SLC36A1: variants seen among roughly 807,000 people sequenced by gnomAD.
SLC36A1 encodes solute carrier family 36 member 1.
A neutral mutation model predicts 47.5 loss-of-function variants in SLC36A1; 30 were observed. That is an observed-to-expected ratio of 0.63 (90% CI 0.47 to 0.86). SLC36A1 has a LOEUF of 0.86. Among genes scored for constraint, SLC36A1 ranks in the 40% least tolerant of loss-of-function variants. SLC36A1 has a pLI of 0.00. For synonymous variants in SLC36A1, 255 were observed against 249.7 expected (o/e 1.02, Z -0.20); for missense variants, 517 against 606.0 (o/e 0.85, Z 1.54).
At chr5:151,485,557 C>A (rs2127544530) in intron 10 of SLC36A1, among the ~76,000 whole-genome samples, 1 of 152,340 alleles carries the variant, frequency 6.6e-6, no homozygotes, top group Middle Eastern at 3.4e-3. Flanking sequence ...TGTCTCCCCT[C>A]CCTCTGCATT....
chr5:151,555,097 G>A, the SLC36A1 span, among the ~76,000 whole-genome samples: 2 of 152,292 alleles, frequency 1.3e-5, no homozygotes, highest in South Asian at 2.1e-4. Flanking sequence ...TGTGCACGTG[G>A]CCTGATGCAT....
chr5:151,534,535 G>A, the SLC36A1 span: 2 of 1,614,144 alleles, frequency 1.2e-6, no homozygotes, highest in South Asian at 1.1e-5. Context: ...TCCACATGGA[G>A]GGTGATGTCT....
the SLC36A1 span, among the ~76,000 whole-genome samples, chr5:151,498,191 C>T: frequency 6.6e-6 from 1 of 152,110 alleles, no homozygotes; most frequent in Non-Finnish European, 1.5e-5. Context: ...GTGATCCACC[C>T]ACCTCGGCCT....
the SLC36A1 span, among the ~76,000 whole-genome samples, chr5:151,357,417 G>A: frequency 6.6e-6 from 1 of 152,218 alleles, no homozygotes; most frequent in Admixed American, 6.5e-5. Flanking sequence ...TGCTGTTTTT[G>A]GAGAGTAGGA....
the SLC36A1 span, among the ~76,000 whole-genome samples, chr5:151,526,186 T>C: frequency 6.6e-6 from 1 of 152,182 alleles, no homozygotes; most frequent in Non-Finnish European, 1.5e-5. Context: ...TGTTGGGTCT[T>C]AGAAACACAG....
chr5:151,354,972 TGAACA>T, the SLC36A1 span, among the ~76,000 whole-genome samples: 1 of 152,104 alleles, frequency 6.6e-6, no homozygotes, highest in Non-Finnish European at 1.5e-5. Context: ...AAATACAACT[TGAACA>T]TTAAGAGCTA....
At chr5:151,355,157 A>G in the SLC36A1 span, among the ~76,000 whole-genome samples, 16 of 152,296 alleles carry the variant, frequency 1.1e-4, no homozygotes, top group African/African-American at 3.6e-4. Context: ...CATGCAAGCA[A>G]GGGGCAGAGT....
intron 10 of SLC36A1, among the ~76,000 whole-genome samples, chr5:151,484,258 C>T (rs1759216908): frequency 1.3e-5 from 2 of 152,174 alleles, no homozygotes; most frequent in South Asian, 4.1e-4. Context: ...CTGCCAGGGA[C>T]TCATTTTCTC....
intron 1 of SLC36A1, chr5:151,451,159 C>A (rs1279335100): frequency 6.6e-6 from 1 of 152,112 alleles, no homozygotes; most frequent in East Asian, 1.9e-4. Flanking sequence ...CAAAATATTT[C>A]TCTTGGAAGC....
At chr5:151,366,548 A>G in the SLC36A1 span, 7 of 250,778 alleles carry the variant, frequency 2.8e-5, no homozygotes, top group Admixed American at 5.3e-5. Flanking sequence ...TCTGAGTAGT[A>G]GGTAGTCATC....
At chr5:151,353,172 G>A in the SLC36A1 span, among the ~76,000 whole-genome samples, 1 of 152,056 alleles carries the variant, frequency 6.6e-6, no homozygotes, top group Admixed American at 6.5e-5. Flanking sequence ...ATATATGTAT[G>A]TGTGTGTGCA....
chr5:151,536,207 T>A, the SLC36A1 span, among the ~76,000 whole-genome samples: 1 of 134,224 alleles, frequency 7.5e-6, no homozygotes, highest in Non-Finnish European at 1.6e-5. Flanking sequence ...GAACATGTAT[T>A]ATTTCCATAT....
the SLC36A1 span, chr5:151,550,638 T>G: frequency 6.2e-7 from 1 of 1,614,162 alleles, no homozygotes; most frequent in Admixed American, 1.7e-5. Context: ...GGTCCAATTT[T>G]CCCACCGTTA....
the SLC36A1 span, among the ~76,000 whole-genome samples, chr5:151,425,119 A>G: frequency 2.0e-5 from 3 of 152,220 alleles, no homozygotes; most frequent in Non-Finnish European, 4.4e-5. Flanking sequence ...AGCAGAGTCA[A>G]CCTGTTAATG....
intron 1 of SLC36A1, among the ~76,000 whole-genome samples, chr5:151,439,975 T>G (rs530180897): frequency 1.3e-5 from 2 of 152,346 alleles, no homozygotes; most frequent in East Asian, 3.9e-4. Context: ...CTTAATAAAT[T>G]CTTGAATTTT....
chr5:151,534,446 G>T, the SLC36A1 span: 15 of 1,613,202 alleles, frequency 9.3e-6, no homozygotes, highest in African/African-American at 2.7e-5. Flanking sequence ...CAGCCACAGG[G>T]GTCTTCACTG....
At chr5:151,536,027 A>C in the SLC36A1 span, among the ~76,000 whole-genome samples, 1 of 152,320 alleles carries the variant, frequency 6.6e-6, no homozygotes, top group East Asian at 1.9e-4. Context: ...AGCAAGTTAC[A>C]AATAGTATTC....
At chr5:151,429,492 TTCCAGTTTCATCCA>T in the SLC36A1 span, among the ~76,000 whole-genome samples, 1 of 151,882 alleles carries the variant, frequency 6.6e-6, no homozygotes, top group Admixed American at 6.6e-5. Context: ...GAATGATGGT[TTCCAGTTTCATCCA>T]TGTCCCTACA....
At chr5:151,477,966 G>A (rs1313300347) in intron 9 of SLC36A1, among the ~76,000 whole-genome samples, 1 of 152,182 alleles carries the variant, frequency 6.6e-6, no homozygotes, top group Non-Finnish European at 1.5e-5. Flanking sequence ...ATCCCTGCAG[G>A]TGTCACTCTC....
Sources: allele counts gnomAD v4.1 joint callset (sites outside exome capture counted in the v4.1 genomes callset), GRCh38; gene constraint gnomAD v4.1.1; transcripts MANE v1.5; gene names NCBI Gene and HGNC (gene_info 2026-07-23, HGNC 2026-07-21).